ZFYVE26: variants seen among roughly 807,000 people sequenced by gnomAD.
ZFYVE26 encodes the protein zinc finger FYVE-type containing 26.
In ZFYVE26, 181 loss-of-function variants were observed where a neutral mutation model predicts 276.5. The ratio of observed to expected loss-of-function variants is 0.65; its 90% CI spans 0.58 to 0.74. The LOEUF is 0.74. Ranked by LOEUF, ZFYVE26 falls within the 30% of genes least tolerant of loss-of-function variation. The probability of loss-of-function intolerance (pLI) is 0.00; values close to 1 mark genes in which losing one functional copy is unlikely to be tolerated. For missense variants in ZFYVE26, 2,821 were observed against 3,097.9 expected, an observed-to-expected ratio of 0.91 and a Z score of 2.12; for synonymous variants, 1,129 against 1,203.1, an observed-to-expected ratio of 0.94 and a Z score of 1.27.
intron 32 of ZFYVE26, 49 bp from the exon 33 acceptor site, chr14:67,762,868 A>C (rs746451367): frequency 6.2e-7 from 1 of 1,609,632 alleles, no homozygotes; most frequent in South Asian, 1.1e-5. Context: ...GTGTCTTACT[A>C]AGAGTAGCCG....
At chr14:67,737,583 G>A (rs1463259966) in intron 13 of ZFYVE26, among the ~76,000 whole-genome samples, 1 of 152,182 alleles carries the variant, frequency 6.6e-6, no homozygotes, top group Non-Finnish European at 1.5e-5. Flanking sequence ...AATTTGAGAT[G>A]AGATTTGGGT....
chr14:67,756,259 G>T (rs1239848555), intron 35 of ZFYVE26, 114 bp from the exon 36 acceptor site: 2 of 1,067,842 alleles, frequency 1.9e-6, no homozygotes, highest in Non-Finnish European at 1.4e-6. Context: ...CCAATGCAGT[G>T]CTTCTTAATC....
At chr14:67,751,173 G>T (rs921076563) in intron 40 of ZFYVE26, 77 bp from the exon 41 acceptor site, 5 of 1,534,058 alleles carry the variant, frequency 3.3e-6, no homozygotes, top group Non-Finnish European at 4.5e-6. Context: ...CCCAGCCTCA[G>T]CCCAGCCATT....
chr14:67,762,513 A>G, intron 33 of ZFYVE26, 101 bp from the exon 34 acceptor site: 1 of 1,524,902 alleles, frequency 6.6e-7, no homozygotes, highest in Non-Finnish European at 8.9e-7. Context: ...CCTCATTCCC[A>G]CTATCTGCCA....
intron 3 of ZFYVE26, among the ~76,000 whole-genome samples, chr14:67,812,562 T>A (rs1355790491): frequency 6.6e-6 from 1 of 152,166 alleles, no homozygotes; most frequent in African/African-American, 2.4e-5. Context: ...AGTTTTAAAA[T>A]TCTATGAGGA....
At position 67,798,059 on chromosome 14, in the gene ZFYVE26, CAG is replaced by C; in HGVS notation, c.2201_2202del (p.Ser734Ter). 2 of 1,614,194 alleles carry C rather than the reference CAG, an allele frequency of 1.2e-6. No individual in the cohort carries two copies. The highest frequency in any genetic ancestry group is 1.7e-6 in the Non-Finnish European group (2 of 1,180,042). On this transcript the variant is annotated frameshift_variant, in exon 11 of 42. Transcript: ENST00000347230. LOFTEE classifies it high-confidence loss of function. Reference protein sequence around the residue: ...SRLHRLSKVVSEAQWRHKVVT... With the variant: ...SRLHRLSKVVXEAQWRHKVVT... ...ACCACCTTGTGTCTCCACTGGGCCT[CAG>C]AGACAACCTTGGAAAGTCGATGCAG...
chr14:67,750,208 T>C (rs996818073), intron 41 of ZFYVE26, among the ~76,000 whole-genome samples: 22 of 152,190 alleles, frequency 1.4e-4, no homozygotes, highest in Non-Finnish European at 2.9e-4. Context: ...TCTGACATCA[T>C]CATGATGTTA....
intron 8 of ZFYVE26, 108 bp from the exon 9 acceptor site, chr14:67,804,372 A>G (rs562823055): frequency 1.5e-6 from 2 of 1,346,148 alleles, no homozygotes; most frequent in South Asian, 1.2e-5. Flanking sequence ...ATAATGCCAC[A>G]GGCTTCCCTT....
intron 25 of ZFYVE26, among the ~76,000 whole-genome samples, chr14:67,776,652 C>A (rs970733524): frequency 6.6e-6 from 1 of 152,202 alleles, no homozygotes; most frequent in Admixed American, 6.5e-5. Flanking sequence ...TGAAACCTGG[C>A]ACCTCCTATG....
intron 9 of ZFYVE26, 83 bp downstream of exon 9, chr14:67,804,018 A>T: frequency 6.3e-7 from 1 of 1,575,374 alleles, no homozygotes; most frequent in South Asian, 1.1e-5. Context: ...CAGCAATCAC[A>T]TCTGGATAAA....
In ZFYVE26 at chr14:67,797,679, G is replaced by A. The variant is rs771531866; in HGVS notation, c.2325C>T (p.Ser775=). 5.6e-6 allele frequency: 9 copies of A among 1,613,944 alleles called. No homozygotes were observed. The highest frequency in any genetic ancestry group is 3.3e-5 in the South Asian group (3 of 91,058). ...ATGAGCTCTTCAGATTACCTGCCTG[G>A]CTCCTTCTTGTCCGACGACCCCGGC... ...SLRRGRRTRR[S]QADGRDRGSN... Residue 775 remains serine (S), a synonymous_variant, in exon 12 of 42, where the codon AGC becomes AGT. Coordinates refer to ENST00000347230, the MANE Select transcript of ZFYVE26 (RefSeq NM_015346.4).
At chr14:67,776,258 G>A in intron 25 of ZFYVE26, 152 bp from the exon 26 acceptor site, 1 of 1,077,184 alleles carries the variant, frequency 9.3e-7, no homozygotes, top group Non-Finnish European at 1.3e-6. Context: ...GGAAGGCTGA[G>A]CTCCCCACTA....
chr14:67,741,191 A>T (rs1036039906), intron 13 of ZFYVE26, among the ~76,000 whole-genome samples: 2 of 152,322 alleles, frequency 1.3e-5, no homozygotes, highest in African/African-American at 4.8e-5. Context: ...AAAGCCTTTG[A>T]ATGCAGTTAA....
chr14:67,797,286 T>G (rs1311571138), intron 12 of ZFYVE26: 5 of 308,760 alleles, frequency 1.6e-5, no homozygotes, highest in African/African-American at 6.5e-5. Flanking sequence ...GGTAAACAAC[T>G]GGAAACTTAA....
chr14:67,766,035 G>T (rs907320392), intron 32 of ZFYVE26, among the ~76,000 whole-genome samples, 192 bp downstream of exon 32: 1 of 152,162 alleles, frequency 6.6e-6, no homozygotes, highest in Non-Finnish European at 1.5e-5. Flanking sequence ...AAAGGACACA[G>T]GGTGTCAGGT....
intron 12 of ZFYVE26, chr14:67,796,376 T>G (rs1283431431): frequency 1.3e-5 from 2 of 151,938 alleles, no homozygotes; most frequent in Non-Finnish European, 2.9e-5. Flanking sequence ...GAGCTAACTT[T>G]CATATTTTTA....
At chr14:67,736,311 G>T (rs751942867) in intron 13 of ZFYVE26, among the ~76,000 whole-genome samples, 2 of 152,156 alleles carry the variant, frequency 1.3e-5, no homozygotes, top group African/African-American at 4.8e-5. Flanking sequence ...GTATTGAAAC[G>T]TCTCTTCTAC....
chr14:67,774,949 T>C, intron 27 of ZFYVE26, 67 bp downstream of exon 27: 2 of 1,018,746 alleles, frequency 2.0e-6, no homozygotes, highest in Admixed American at 2.5e-5. Flanking sequence ...AAAAAAAAAT[T>C]CTGAAGGATA....
At chr14:67,799,087 C>A in intron 10 of ZFYVE26, 1 of 1,211,806 alleles carries the variant, frequency 8.3e-7, no homozygotes, top group Non-Finnish European at 1.2e-6. Flanking sequence ...TGGACGAGGA[C>A]TCTCCAGTGC....
Sources: allele counts gnomAD v4.1 joint callset (sites outside exome capture counted in the v4.1 genomes callset), GRCh38; gene constraint gnomAD v4.1.1; transcripts MANE v1.5; gene names NCBI Gene and HGNC (gene_info 2026-07-23, HGNC 2026-07-21).